NPHS1: variants seen among roughly 807,000 people sequenced by gnomAD.
The protein encoded by NPHS1 is nephrin.
NPHS1 carries 107 observed loss-of-function variants against 139.7 expected under a neutral mutation model. That is an observed-to-expected ratio of 0.77 (90% CI 0.66 to 0.90). The LOEUF is 0.90. Ranked by LOEUF, NPHS1 falls within the 40% of genes least tolerant of loss-of-function variation. The probability of loss-of-function intolerance (pLI) is 0.00; values close to 1 mark genes in which losing one functional copy is unlikely to be tolerated. For synonymous variants in NPHS1, 707 were observed against 706.6 expected (o/e 1.00, Z -0.01); for missense variants, 1,580 against 1,654.2 (o/e 0.96, Z 0.78).
At chr19:35,839,044 G>A (rs868460557) in intron 22 of NPHS1, among the ~76,000 whole-genome samples, 193 bp downstream of exon 22, 34 of 152,024 alleles carry the variant, frequency 2.2e-4, no homozygotes, top group African/African-American at 7.5e-4. Flanking sequence ...TGTGGTTAAC[G>A]GTTGGTCTCA....
Position 35,849,126 on chromosome 19 carries a change from C to T in NPHS1, c.862G>A (p.Ala288Thr). ...GCCTGGGTGTGCTCTGTGCCCCACG[C>T]TGTGGACACCGGCTGGCCATTCTGG... ...WLKNGQPVST[A>T]WGTEHTQAVA... Residue 288 changes from alanine (A) to threonine (T), a missense_variant, in exon 8 of 29, where the codon GCG (alanine) becomes ACG (threonine). By Grantham distance (58) the Ala-to-Thr change is moderately conservative (BLOSUM62 0). Transcript: ENST00000378910. The T allele has an allele frequency of 6.2e-7, 1 of 1,609,946 alleles. No homozygotes were observed.
chr19:35,844,465 G>T lies in NPHS1; in HGVS notation c.1931-6C>A. 6.4e-7 allele frequency: 1 copy of T among 1,567,462 alleles called. No homozygotes were observed. ...CCCCAGGAACTCTGGACGGTCTTCA[G>T]AGGGGGCGCCGCAGGGAGTCAAGAT... On this transcript the variant is annotated splice_polypyrimidine_tract_variant and splice_region_variant and intron_variant, in intron 14 of 28. Coordinates refer to ENST00000378910, the MANE Select transcript of NPHS1 (RefSeq NM_004646.4).
intron 28 of NPHS1, 83 bp downstream of exon 28, chr19:35,830,761 G>C: frequency 1.1e-6 from 1 of 871,860 alleles, no homozygotes; most frequent in South Asian, 1.3e-5. Context: ...ACAGCAGCTA[G>C]CTGGCCCTAA....
Position 35,849,224 on chromosome 19 carries a change from G to A in NPHS1, c.840+12C>T, listed in dbSNP as rs376240874. The A allele has an allele frequency of 1.4e-4, 220 of 1,613,646 alleles. No individual in the cohort carries two copies. Among genetic ancestry groups the A allele is most frequent in the African/African-American group, 2.4e-4 (18 of 74,924 alleles). ...CTGTCCCCCCATTCCCCATGCCCGCGTTTGCCCTCACCTTCAGCCACTGCA... is the reference window on the plus strand; with the variant it reads ...CTGTCCCCCCATTCCCCATGCCCGCATTTGCCCTCACCTTCAGCCACTGCA... On this transcript the variant is annotated intron_variant, in intron 7 of 28. Coordinates refer to ENST00000378910, the MANE Select transcript of NPHS1 (RefSeq NM_004646.4).
At position 35,846,083 on chromosome 19, in the gene NPHS1, C is replaced by G; in HGVS notation, c.1552G>C (p.Gly518Arg). The change falls in exon 12 of 29, where the codon GGG becomes CGG. Residue 518 changes from glycine (G) to arginine (R), a missense_variant. Gly to Arg is a moderately radical substitution (Grantham distance 125, BLOSUM62 -2). Transcript: ENST00000378910. ...AACTTGGCCTGGTTGTCCGACGGCC[C>G]TGTGACCAGCACCAGCTCTCGGGAG... Reference protein sequence around the residue: ...TFSRELVLVTGPSDNQAKFTC... With the variant: ...TFSRELVLVTRPSDNQAKFTC... 2 of 1,596,182 alleles carry G rather than the reference C, an allele frequency of 1.3e-6. No individual in the cohort carries two copies. The highest frequency in any genetic ancestry group is 1.7e-6 in the Non-Finnish European group (2 of 1,171,760).
At chr19:35,843,984 AC>A in intron 16 of NPHS1, 118 bp downstream of exon 16, 1 of 1,405,816 alleles carries the variant, frequency 7.1e-7, no homozygotes. Flanking sequence ...GACTTCCAGA[AC>A]GGGAGGGTTC....
intron 28 of NPHS1, among the ~76,000 whole-genome samples, chr19:35,826,878 A>C (rs780444502): frequency 2.0e-5 from 3 of 152,238 alleles, no homozygotes; most frequent in Non-Finnish European, 2.9e-5. Context: ...GCTCATGCCT[A>C]TAATTCCAGC....
At chr19:35,840,348 T>G (rs1458019762) in intron 20 of NPHS1, among the ~76,000 whole-genome samples, 1 of 150,948 alleles carries the variant, frequency 6.6e-6, no homozygotes, top group Non-Finnish European at 1.5e-5. Flanking sequence ...CTTTTTTTCT[T>G]TTTTGAGATG....
rs1167489128 is a variant in NPHS1, at chr19:35,851,552, C to T, written c.179G>A (p.Ser60Asn). ...CCCATCTTTGGCCCATTGCACCGCA[C>T]TGCCAGGGGTGCTGACCCCACAACG... The part of the protein sequence containing the change: ...ELRCGVSTPG[S>N]AVQWAKDGLL... The change falls in exon 2 of 29, where the codon AGT becomes AAT. Residue 60 changes from serine to asparagine, a missense_variant. Transcript: ENST00000378910. The T allele has an allele frequency of 1.9e-6, 3 of 1,613,982 alleles. No individual in the cohort carries two copies. The South Asian group carries it at 3.3e-5, about 18-fold the overall frequency.
At position 35,848,044 on chromosome 19, in the gene NPHS1, G is replaced by C. The variant is rs1973169054; in HGVS notation, c.1437C>G (p.Tyr479Ter). The C allele has an allele frequency of 6.2e-7, 1 of 1,613,742 alleles. No individual in the cohort carries two copies. Among genetic ancestry groups the C allele is most frequent in the Non-Finnish European group, 8.5e-7 (1 of 1,180,020 alleles). Residue 479 changes from tyrosine (Y) to a stop codon, truncating the protein, a stop_gained, in exon 11 of 29, where the codon TAC becomes TAG. Coordinates refer to ENST00000378910, the MANE Select transcript of NPHS1 (RefSeq NM_004646.4). LOFTEE classifies it high-confidence loss of function. ...GGNPEPSLMW[Y>*]KDSRTVTESR... The stretch of plus-strand genomic sequence containing the variant: ...ATAGCCCTGGCGTGGCACCAACCTT[G>C]TACCACATGAGGGAGGGCTCTGGGT...
At chr19:35,841,639 G>T in intron 20 of NPHS1, 76 bp downstream of exon 20, 1 of 1,564,834 alleles carries the variant, frequency 6.4e-7, no homozygotes, top group African/African-American at 1.3e-5. Context: ...AACATGGGCA[G>T]CCCAGGGCCA....
In NPHS1 at chr19:35,839,501, G is replaced by A. The variant is rs371778328; in HGVS notation, c.2922C>T (p.Cys974=). The A allele has an allele frequency of 6.8e-6, 11 of 1,613,886 alleles. No individual in the cohort carries two copies. In the African/African-American group the frequency reaches 1.3e-4, roughly 20 times the overall value. ...GFDGGLPQRF[C]IRYEALGTPG... ...CTGCCTCGACAAGGACCCACCTGATGCAGAACCTCTGTGGCAGGCCCCCAT... is the reference window on the plus strand; with the variant it reads ...CTGCCTCGACAAGGACCCACCTGATACAGAACCTCTGTGGCAGGCCCCCAT... Residue 974 remains cysteine, a synonymous_variant, in exon 21 of 29, where the codon TGC becomes TGT. Transcript: ENST00000378910.
intron 5 of NPHS1, among the ~76,000 whole-genome samples, chr19:35,849,878 T>C (rs917212345): frequency 1.3e-5 from 2 of 152,186 alleles, no homozygotes; most frequent in African/African-American, 4.8e-5. Flanking sequence ...CTTGGGACTC[T>C]AGAACTGAGG....
intron 28 of NPHS1, among the ~76,000 whole-genome samples, chr19:35,830,209 G>A (rs1972857379): frequency 6.6e-6 from 1 of 152,194 alleles, no homozygotes; most frequent in Admixed American, 6.5e-5. Flanking sequence ...CGTCAGATGT[G>A]ACCATGTGAC....
rs1441837750 is a variant in NPHS1, at chr19:35,851,562, T to G, written c.169A>C (p.Thr57Pro). 2 of 1,613,442 alleles carry G rather than the reference T, an allele frequency of 1.2e-6. No individual in the cohort carries two copies. The highest frequency in any genetic ancestry group is 2.7e-5 in the African/African-American group (2 of 74,762). Residue 57 changes from threonine (T) to proline (P), a missense_variant, in exon 2 of 29, where the codon ACC becomes CCC. Thr to Pro is a conservative substitution (Grantham distance 38, BLOSUM62 -1). Coordinates refer to ENST00000378910, the MANE Select transcript of NPHS1 (RefSeq NM_004646.4). ...ASVELRCGVS[T>P]PGSAVQWAKD... ...GCCCATTGCACCGCACTGCCAGGGGTGCTGACCCCACAACGCAGCTCCACT... is the reference window on the plus strand; with the variant it reads ...GCCCATTGCACCGCACTGCCAGGGGGGCTGACCCCACAACGCAGCTCCACT...
chr19:35,846,514 A>C (rs1286954066), intron 11 of NPHS1, among the ~76,000 whole-genome samples: 1 of 151,850 alleles, frequency 6.6e-6, no homozygotes, highest in Non-Finnish European at 1.5e-5. Flanking sequence ...CACTCCTCAA[A>C]ATCTATTTCT....
chr19:35,846,337 A>G, intron 11 of NPHS1, 143 bp from the exon 12 acceptor site: 1 of 828,128 alleles, frequency 1.2e-6, no homozygotes, highest in South Asian at 1.6e-5. Flanking sequence ...CATCAGCACC[A>G]CCCCCCTAGG....
In NPHS1 at chr19:35,830,816, GGATGGTTGCTGAT is replaced by G; in HGVS notation, c.3594+15_3594+27del. 3 of 1,367,498 alleles carry G rather than the reference GGATGGTTGCTGAT, an allele frequency of 2.2e-6. No homozygotes were observed. Among genetic ancestry groups the G allele is most frequent in the Non-Finnish European group, 3.1e-6 (3 of 954,716 alleles). 84.7% of individuals were successfully genotyped at this position (1,367,498 alleles called of 1,614,324 possible). A position where few individuals can be genotyped will look rare whatever the true frequency, so the allele number is the denominator to read the frequency against. On this transcript the variant is annotated intron_variant, in intron 28 of 28. Transcript: ENST00000378910. ...GTAGGCTCCCAGCACTAGCCAGGAA[GGATGGTTGCTGAT>G]GCAAAGCTTCTCACCATCTGCACTT...
chr19:35,847,151 T>G (rs1973154721), intron 11 of NPHS1, among the ~76,000 whole-genome samples: 1 of 151,912 alleles, frequency 6.6e-6, no homozygotes, highest in Non-Finnish European at 1.5e-5. Context: ...GTTCACGCCA[T>G]TCTCCTGCCT....
Sources: gnomAD v4.1 joint callset for allele counts (sites outside exome capture counted in the v4.1 genomes callset) on GRCh38, gnomAD v4.1.1 for gene constraint, MANE v1.5 for transcripts, NCBI Gene and HGNC (gene_info 2026-07-23, HGNC 2026-07-21) for gene names.